The following BCL2L14 variants were observed in gnomAD, a reference collection of about 807,000 sequenced individuals.
The protein encoded by BCL2L14 is BCL2 like 14, also known as apoptosis facilitator Bcl-2-like protein 14.
A neutral mutation model predicts 35.3 loss-of-function variants in BCL2L14; 27 were observed. The ratio of observed to expected loss-of-function variants is 0.76; its 90% confidence interval spans 0.56 to 1.05. The LOEUF (loss-of-function observed/expected upper bound fraction) is 1.05, where lower values mean the gene tolerates loss of function less well. Ranked by LOEUF, BCL2L14 falls within the 50% of genes least tolerant of loss-of-function variation. The pLI, the probability that BCL2L14 is intolerant of heterozygous loss-of-function variation, is 0.00. For missense variants in BCL2L14, 377 were observed against 382.6 expected (o/e 0.99, Z 0.12); for synonymous variants, 139 against 145.9 (o/e 0.95, Z 0.34).
At chr12:12,070,487 C>G (rs1302682632), upstream of BCL2L14, among the ~76,000 whole-genome samples, 1 of 152,124 alleles carries the variant, frequency 6.6e-6, no homozygotes, top group Non-Finnish European at 1.5e-5. Context: ...GAGTTCGAGA[C>G]CAACATGGTG....
intron 1 of BCL2L14, among the ~76,000 whole-genome samples, chr12:12,076,307 G>A (rs556180101): frequency 2.0e-5 from 3 of 152,210 alleles, no homozygotes; most frequent in African/African-American, 7.2e-5. Flanking sequence ...AGACACTGAC[G>A]TGACTCCTTA....
intron 4 of BCL2L14, among the ~76,000 whole-genome samples, chr12:12,094,069 T>A (rs1376406904): frequency 6.7e-6 from 1 of 149,712 alleles, no homozygotes; most frequent in African/African-American, 2.5e-5. Flanking sequence ...ACCACACCAC[T>A]GCACTCCAGC....
intron 5 of BCL2L14, chr12:12,095,245 A>C (rs1298515722): frequency 7.1e-6 from 7 of 985,284 alleles, no homozygotes; most frequent in Non-Finnish European, 8.4e-6. Flanking sequence ...CTGTTTTCAC[A>C]AATTTTGCAG....
Position 12,075,108 on chromosome 12 carries a change from CT to C in BCL2L14, c.-8+3979del, listed in dbSNP as rs1164173302. Among the ~76,000 whole-genome samples, 796 of 151,686 alleles carry C rather than the reference CT, an allele frequency of 5.2e-3. 5 individuals are homozygous for C. Among genetic ancestry groups the C allele is most frequent in the African/African-American group, 0.018 (747 of 41,360 alleles). Reference sequence around the variant, plus strand: ...ATGTCTCTTTTTTTTTAATATGTTTCTTTTTTTTCTTTTTATTTATTTATTT... The same window carrying C: ...ATGTCTCTTTTTTTTTAATATGTTTCTTTTTTTCTTTTTATTTATTTATTT... On this transcript the variant is annotated intron_variant, in intron 1 of 5. Coordinates refer to ENST00000308721, the MANE Select transcript of BCL2L14 (RefSeq NM_138723.2).
chr12:12,094,816 C>A lies in BCL2L14; in HGVS notation c.831C>A (p.Asp277Glu), dbSNP rs145041635. Reference sequence around the variant, plus strand: ...GCTTTAAGGCTGCCCTTGTAATAGACGTCACGGCCAAGCTCACAGCTATTG... The same window carrying A: ...GCTTTAAGGCTGCCCTTGTAATAGAAGTCACGGCCAAGCTCACAGCTATTG... ...AQGFKAALVIDVTAKLTAIDN... is the reference protein window; with the variant it reads ...AQGFKAALVIEVTAKLTAIDN... Residue 277 changes from aspartate (D) to glutamate (E), a missense_variant, in exon 5 of 6, where the codon GAC becomes GAA. Physicochemically the swap from Asp to Glu is conservative, Grantham distance 45 (BLOSUM62 2). Transcript: ENST00000308721. 1.2e-5 allele frequency: 19 copies of A among 1,614,052 alleles called. No homozygotes were observed. The highest frequency in any genetic ancestry group is 3.3e-4 in the Middle Eastern group (2 of 6,084).
chr12:12,053,579 C>A (rs1208025574), intron 2 of BCL2L14, among the ~76,000 whole-genome samples: 1 of 152,158 alleles, frequency 6.6e-6, no homozygotes, highest in African/African-American at 2.4e-5. Flanking sequence ...TGCCACCACA[C>A]CCGGCTAATT....
At chr12:12,091,623 A>C (rs905131393) in intron 4 of BCL2L14, among the ~76,000 whole-genome samples, 18 of 152,198 alleles carry the variant, frequency 1.2e-4, no homozygotes, top group Non-Finnish European at 2.1e-4. Context: ...GCAGGAAGAC[A>C]AACAGCTCCT....
intron 5 of BCL2L14, chr12:12,095,167 G>T: frequency 1.0e-6 from 1 of 985,306 alleles, no homozygotes; most frequent in Non-Finnish European, 1.2e-6. Context: ...TGGATGGAAA[G>T]GGACTGGTCA....
chr12:12,073,869 G>A (rs1264771184), intron 1 of BCL2L14, among the ~76,000 whole-genome samples: 2 of 152,040 alleles, frequency 1.3e-5, no homozygotes, highest in South Asian at 2.1e-4. Context: ...GCTAGACTCA[G>A]CCTTTTCCCC....
intron 5 of BCL2L14, 57 bp downstream of exon 5, chr12:12,094,987 ATTT>A (rs71435888): frequency 6.3e-4 from 922 of 1,463,480 alleles, no homozygotes; most frequent in African/African-American, 2.8e-3. Context: ...GATGGGATGG[ATTT>A]TTTTTTTTTT....
chr12:12,089,591 G>C (rs973896590), intron 3 of BCL2L14, among the ~76,000 whole-genome samples: 2 of 151,850 alleles, frequency 1.3e-5, no homozygotes, highest in Non-Finnish European at 2.9e-5. Flanking sequence ...CCAGCTACTC[G>C]GGAGGCTGAG....
chr12:12,054,947 CAA>C (rs33941702), intron 2 of BCL2L14: 18 of 135,714 alleles, frequency 1.3e-4, no homozygotes, highest in East Asian at 1.3e-3. Context: ...GACTCCATCT[CAA>C]AAAAAAAAAA....
chr12:12,094,778 G>A lies in BCL2L14; in HGVS notation c.793G>A (p.Val265Ile). Residue 265 changes from valine to isoleucine, a missense_variant, in exon 5 of 6, where the codon GTC becomes ATC. Transcript: ENST00000308721. ...TGTGGACCCCAGGGGAGAATCAGAG[G>A]TCAAAGCTCAGGGCTTTAAGGCTGC... ...MGVDPRGESE[V>I]KAQGFKAALV... is the part of the protein sequence containing the mutation. 2 of 1,614,186 alleles carry A rather than the reference G, an allele frequency of 1.2e-6. No individual in the cohort carries two copies. Among genetic ancestry groups the A allele is most frequent in the South Asian group, 2.2e-5 (2 of 91,074 alleles).
chr12:12,061,508 CAAGT>C (rs138841285), intron 2 of BCL2L14, among the ~76,000 whole-genome samples: 140,001 of 151,484 alleles, frequency 0.92, 64,780 homozygotes, highest in East Asian at 1. Context: ...ACAAGCCTTA[CAAGT>C]TAGTTCAGGA....
In BCL2L14 at chr12:12,094,699, G is replaced by A. The variant is rs765787822; in HGVS notation, c.714G>A (p.Gln238=). The A allele has an allele frequency of 7.4e-6, 12 of 1,614,074 alleles. No individual in the cohort carries two copies. The African/African-American group carries it at 1.3e-4, about 18-fold the overall frequency. ...ATAAGGCTTTGATGGGCCACTTCCA[G>A]GATGGGCTGTCCTACTCTGTTTTCA... ...KKDKALMGHF[Q]DGLSYSVFKT... is the part of the protein sequence containing the mutation. Residue 238 remains glutamine (Q), a synonymous_variant, in exon 5 of 6, where the codon CAG becomes CAA. Coordinates refer to ENST00000308721, the MANE Select transcript of BCL2L14 (RefSeq NM_138723.2).
At chr12:12,067,159 G>T (rs1179312812), upstream of BCL2L14, among the ~76,000 whole-genome samples, 1 of 151,942 alleles carries the variant, frequency 6.6e-6, no homozygotes, top group African/African-American at 2.4e-5. Flanking sequence ...CTGCCTCCTG[G>T]GTTCAAGTGA....
chr12:12,081,386 T>C (rs114019274), intron 2 of BCL2L14, among the ~76,000 whole-genome samples: 13,472 of 148,450 alleles, frequency 0.091, 771 homozygotes, highest in East Asian at 0.27. Context: ...GCTCAGGAGG[T>C]CAAGGCTGCA....
At chr12:12,057,547 C>T (rs1017583406) in intron 2 of BCL2L14, among the ~76,000 whole-genome samples, 4 of 152,006 alleles carry the variant, frequency 2.6e-5, no homozygotes, top group Non-Finnish European at 5.9e-5. Context: ...CACCTGAGGT[C>T]GGGAGTTCGA....
chr12:12,073,030 G>A (rs771651474), intron 1 of BCL2L14, among the ~76,000 whole-genome samples: 44 of 152,066 alleles, frequency 2.9e-4, no homozygotes, highest in Non-Finnish European at 5.4e-4. Context: ...GGGACTGCAG[G>A]TGCACACCAC....
Sources: gnomAD v4.1 joint callset for allele counts (sites outside exome capture counted in the v4.1 genomes callset) on GRCh38, gnomAD v4.1.1 for gene constraint, MANE v1.5 for transcripts, NCBI Gene and HGNC (gene_info 2026-07-23, HGNC 2026-07-21) for gene names.